The following KIF13A variants were observed in gnomAD, a reference collection of about 807,000 sequenced individuals.
The protein encoded by KIF13A is kinesin-like protein KIF13A.
Under a neutral mutation model 212.2 loss-of-function variants are expected in KIF13A, and 79 were observed. The ratio of observed to expected loss-of-function variants is 0.37; its 90% CI spans 0.31 to 0.45. KIF13A has a LOEUF of 0.45. Ranked by LOEUF, KIF13A falls within the 20% of genes least tolerant of loss-of-function variation. The probability of loss-of-function intolerance (pLI) is 1.00; values close to 1 mark genes in which losing one functional copy is unlikely to be tolerated. For synonymous variants in KIF13A, 789 were observed against 808.6 expected, an observed-to-expected ratio of 0.98 and a Z score of 0.41; for missense variants, 1,901 against 2,209.0, an observed-to-expected ratio of 0.86 and a Z score of 2.79.
chr6:17,869,476 A>G (rs188720561), intron 4 of KIF13A, among the ~76,000 whole-genome samples: 5 of 152,316 alleles, frequency 3.3e-5, no homozygotes, highest in Admixed American at 1.3e-4. Context: ...CAGAACTATT[A>G]GTATCCTTAT....
chr6:17,777,192 C>A lies in KIF13A; in HGVS notation c.4170+85G>T, dbSNP rs1365865025. On this transcript the variant is annotated intron_variant, in intron 34 of 38. Transcript: ENST00000259711. This position sits in a 1 kb window ranked among gnomAD's most constrained non-coding sequence, Gnocchi z 4.4. ...GCCCACACCAGTTCCATAAGCTCTA[C>A]TGCCACTGTGTGAATCCCACCTTCC... 6.7e-6 allele frequency: 7 copies of A among 1,046,070 alleles called. No homozygotes were observed. Among genetic ancestry groups the A allele is most frequent in the Admixed American group, 2.0e-5 (1 of 50,412 alleles). The allele number at this position is 1,046,070 out of a possible 1,614,324, so 64.8% of individuals were successfully genotyped here. A position where few individuals can be genotyped will look rare whatever the true frequency, so the allele number is the denominator to read the frequency against.
chr6:17,769,855 A>T lies in KIF13A; in HGVS notation c.4581+1259T>A, dbSNP rs1759334421. Among the ~76,000 whole-genome samples the T allele has an allele frequency of 2.6e-5, 4 of 152,094 alleles. No homozygotes were observed. Among genetic ancestry groups the T allele is most frequent in the African/African-American group, 9.7e-5 (4 of 41,416 alleles). On this transcript the variant is annotated intron_variant, in intron 38 of 38. Transcript: ENST00000259711. This position sits in a 1 kb window ranked among gnomAD's most constrained non-coding sequence, Gnocchi z 5.8. Reference sequence around the variant, plus strand: ...GAGAACAGCTCAGTAAGATTTGGAGAGATGAAGGAGCAGCTATTAATGTGC... The same window carrying T: ...GAGAACAGCTCAGTAAGATTTGGAGTGATGAAGGAGCAGCTATTAATGTGC...
chr6:17,779,600 T>C lies in KIF13A; in HGVS notation c.3931A>G (p.Ile1311Val), dbSNP rs1367580203. The change falls in exon 32 of 39, where the codon ATA (isoleucine) becomes GTA (valine). Residue 1311 changes from isoleucine (I) to valine (V), a missense_variant. Physicochemically the swap from Ile to Val is conservative, Grantham distance 29. Coordinates refer to ENST00000259711, the MANE Select transcript of KIF13A (RefSeq NM_022113.6). ...AGTAGCATATATTTTACCTTTGGTA[T>C]ATTGGATACTATTTCATAGGTTACA... Reference protein sequence around the residue: ...CGVTYEIVSNIPKATEEIEDR... With the variant: ...CGVTYEIVSNVPKATEEIEDR... 1 of 1,358,090 alleles carries C rather than the reference T, an allele frequency of 7.4e-7. No homozygotes were observed. Among genetic ancestry groups the C allele is most frequent in the Non-Finnish European group, 1.0e-6 (1 of 962,016 alleles). The allele number at this position is 1,358,090 out of a possible 1,614,324, so 84.1% of individuals were successfully genotyped here.
Position 17,846,041 on chromosome 6 carries a change from CTTTTTTTTTTT to C in KIF13A, c.830+3325_830+3335del, listed in dbSNP as rs34232861. Among the ~76,000 whole-genome samples, 7 of 83,254 alleles carry C rather than the reference CTTTTTTTTTTT, an allele frequency of 8.4e-5. No individual in the cohort carries two copies. The East Asian group carries it at 1.0e-3, about 12-fold the overall frequency. 54.6% of individuals were successfully genotyped at this position (83,254 alleles called of 152,430 possible). Reference sequence around the variant, plus strand: ...GATTTCTTTAGTTTTGGAACTCAACCTTTTTTTTTTTTTTTTTTTTTTTTCTGAGACAGCCT... The same window carrying C: ...GATTTCTTTAGTTTTGGAACTCAACCTTTTTTTTTTTTTCTGAGACAGCCT... On this transcript the variant is annotated intron_variant, in intron 9 of 38. Coordinates refer to ENST00000259711, the MANE Select transcript of KIF13A (RefSeq NM_022113.6).
chr6:17,821,587 G>GTA (rs1181238590), intron 16 of KIF13A, among the ~76,000 whole-genome samples: 2 of 151,432 alleles, frequency 1.3e-5, no homozygotes, highest in Non-Finnish European at 2.9e-5. Context: ...GTGTGTGTGT[G>GTA]TTGGGGGTGG....
At position 17,769,446 on chromosome 6, in the gene KIF13A, T is replaced by C. The variant is rs1476217317; in HGVS notation, c.4581+1668A>G. Among the ~76,000 whole-genome samples the C allele has an allele frequency of 6.6e-6, 1 of 152,146 alleles. No individual in the cohort carries two copies. Among genetic ancestry groups the C allele is most frequent in the African/African-American group, 2.4e-5 (1 of 41,444 alleles). ...CCATGGTGCATTCAGTCACAGAGTC[T>C]AACTGCTGCTTGAGACTTCCTGGGT... is the stretch of plus-strand genomic sequence containing the variant. On this transcript the variant is annotated intron_variant, in intron 38 of 38. Coordinates refer to ENST00000259711, the MANE Select transcript of KIF13A (RefSeq NM_022113.6). The surrounding 1 kb of genome is among the most constrained non-coding windows in gnomAD (Gnocchi z 5.8).
Position 17,804,341 on chromosome 6 carries a change from CA to C in KIF13A, c.2454+19del. 1 of 1,485,444 alleles carries C rather than the reference CA, an allele frequency of 6.7e-7. No homozygotes were observed. Among genetic ancestry groups the C allele is most frequent in the South Asian group, 1.3e-5 (1 of 74,450 alleles). The allele number at this position is 1,485,444 out of a possible 1,614,324, so 92.0% of individuals were successfully genotyped here. A position where few individuals can be genotyped will look rare whatever the true frequency, so the allele number is the denominator to read the frequency against. On this transcript the variant is annotated intron_variant, in intron 20 of 38. Transcript: ENST00000259711. ...AAAAACTTGAACCACCATCGTTCTC[CA>C]AGGCTGGCCTGTGCTTACCTCCCCC...
intron 4 of KIF13A, among the ~76,000 whole-genome samples, chr6:17,860,144 C>T (rs568636398): frequency 6.6e-6 from 1 of 152,212 alleles, no homozygotes; most frequent in South Asian, 2.1e-4. Context: ...CTCTGGTCTC[C>T]AGGATAATTT....
intron 11 of KIF13A, among the ~76,000 whole-genome samples, chr6:17,835,956 G>A (rs2147210): frequency 6.6e-6 from 1 of 151,894 alleles, no homozygotes. Context: ...TGTGAACTTA[G>A]AAGTGTCAGA....
chr6:17,814,283 C>T (rs6913688), intron 17 of KIF13A, among the ~76,000 whole-genome samples: 52,756 of 127,726 alleles, frequency 0.41, 10,124 homozygotes, highest in South Asian at 0.49. Context: ...CAGTCTTGCT[C>T]TGTCACCCAG....
At chr6:17,907,956 A>T (rs759473427) in intron 2 of KIF13A, among the ~76,000 whole-genome samples, 1 of 152,196 alleles carries the variant, frequency 6.6e-6, no homozygotes, top group Admixed American at 6.5e-5. Context: ...AAGAGGCCAC[A>T]CCATCTAGAG....
chr6:17,958,151 A>C (rs988476415), intron 2 of KIF13A, among the ~76,000 whole-genome samples: 2 of 152,192 alleles, frequency 1.3e-5, no homozygotes, highest in Non-Finnish European at 2.9e-5. Flanking sequence ...ACTCACAATT[A>C]TACCTCAGGC....
rs940684058 is a variant in KIF13A at position 17,895,221 on chromosome 6, G to A, written c.159+2947C>T. 6.6e-6 allele frequency among the ~76,000 whole-genome samples: 1 copy of A among 152,112 alleles called. No homozygotes were observed. Among genetic ancestry groups the A allele is most frequent in the Non-Finnish European group, 1.5e-5 (1 of 68,020 alleles). ...AGATAACAAATATATTCATTTTGAA[G>A]TTCCTGTCTAATAATTTGGTCATCT... is the stretch of plus-strand genomic sequence containing the variant. On this transcript the variant is annotated intron_variant, in intron 3 of 38. Coordinates refer to ENST00000259711, the MANE Select transcript of KIF13A (RefSeq NM_022113.6). This position sits in a 1 kb window ranked among gnomAD's most constrained non-coding sequence, Gnocchi z 4.4.
chr6:17,782,784 A>G lies in KIF13A; in HGVS notation c.3544+862T>C, dbSNP rs535708285. On this transcript the variant is annotated intron_variant, in intron 29 of 38. Coordinates refer to ENST00000259711, the MANE Select transcript of KIF13A (RefSeq NM_022113.6). Reference sequence around the variant, plus strand: ...TTAGCAATGAAATCAATTTAGAATCAAAGTTCTGAGCACTTGGGAGAAATA... The same window carrying G: ...TTAGCAATGAAATCAATTTAGAATCGAAGTTCTGAGCACTTGGGAGAAATA... 4.1e-4 allele frequency among the ~76,000 whole-genome samples: 63 copies of G among 152,318 alleles called. No individual in the cohort carries two copies. The South Asian group carries it at 4.8e-3, about 12-fold the overall frequency.
intron 38 of KIF13A, among the ~76,000 whole-genome samples, chr6:17,767,594 TTTTGA>T (rs1215335172): frequency 2.0e-5 from 3 of 152,230 alleles, no homozygotes; most frequent in African/African-American, 4.8e-5. Flanking sequence ...TTCTATTTCC[TTTTGA>T]TTTAAGTTGG....
chr6:17,903,987 T>A (rs1181281997), intron 2 of KIF13A, among the ~76,000 whole-genome samples: 2 of 150,700 alleles, frequency 1.3e-5, no homozygotes, highest in East Asian at 1.9e-4. Context: ...ACCCCATCTT[T>A]ACTAAAAATA....
Position 17,871,670 on chromosome 6 carries a change from G to A in KIF13A, c.220+1707C>T, listed in dbSNP as rs1309026785. ...GAGGAGTCCCAGAAGAGACAGTGGA[G>A]AAGGTAGAATGGGGTTATATAATAA... On this transcript the variant is annotated intron_variant, in intron 4 of 38. Coordinates refer to ENST00000259711, the MANE Select transcript of KIF13A (RefSeq NM_022113.6). The surrounding 1 kb of genome is among the most constrained non-coding windows in gnomAD (Gnocchi z 4.4). Among the ~76,000 whole-genome samples, 2 of 152,148 alleles carry A rather than the reference G, an allele frequency of 1.3e-5. No homozygotes were observed. Among genetic ancestry groups the A allele is most frequent in the African/African-American group, 4.8e-5 (2 of 41,422 alleles).
intron 2 of KIF13A, among the ~76,000 whole-genome samples, chr6:17,946,949 C>T (rs939218496): frequency 3.3e-5 from 5 of 152,204 alleles, no homozygotes; most frequent in African/African-American, 7.2e-5. Flanking sequence ...ACTGTATATA[C>T]ATTTATCAAA....
intron 2 of KIF13A, among the ~76,000 whole-genome samples, chr6:17,943,753 G>C (rs533391183): frequency 6.6e-6 from 1 of 152,068 alleles, no homozygotes; most frequent in Non-Finnish European, 1.5e-5. Flanking sequence ...AATACTACTG[G>C]TTTTGGTAAT....
Sources: allele counts gnomAD v4.1 joint callset (sites outside exome capture counted in the v4.1 genomes callset), GRCh38; gene constraint gnomAD v4.1.1; non-coding constraint Gnocchi (gnomAD v3.1); transcripts MANE v1.5; gene names NCBI Gene and HGNC (gene_info 2026-07-23, HGNC 2026-07-21).